Variants in PACRG observed in about 807,000 individuals in gnomAD.
PACRG encodes the protein parkin coregulated, also known as parkin coregulated gene protein.
In PACRG, 29 loss-of-function variants were observed where a neutral mutation model predicts 29.7. The observed-to-expected ratio is 0.98, with a 90% CI of 0.73 to 1.33. The LOEUF (loss-of-function observed/expected upper bound fraction) is 1.33. PACRG is among the 40% of genes most tolerant of loss of function. The pLI is 0.00. For synonymous variants in PACRG, 116 were observed against 118.7 expected, an observed-to-expected ratio of 0.98 and a Z score of 0.15; for missense variants, 279 against 316.2, an observed-to-expected ratio of 0.88 and a Z score of 0.89.
chr6:162,882,769 C>T (rs1028482884), intron 2 of PACRG, among the ~76,000 whole-genome samples: 1 of 152,314 alleles, frequency 6.6e-6, no homozygotes, highest in Non-Finnish European at 1.5e-5. Context: ...GGATTTCAAA[C>T]TAACCCGACT....
chr6:162,778,258 C>G (rs1182924549), intron 1 of PACRG, among the ~76,000 whole-genome samples: 1 of 152,046 alleles, frequency 6.6e-6, no homozygotes, highest in Non-Finnish European at 1.5e-5. Flanking sequence ...TCTGCCCCAT[C>G]AAAAGAGTAT....
chr6:163,135,400 G>C (rs898657141), intron 4 of PACRG, among the ~76,000 whole-genome samples: 1 of 152,100 alleles, frequency 6.6e-6, no homozygotes, highest in Non-Finnish European at 1.5e-5. Context: ...TATTGGCCAG[G>C]CTGATCTTGA....
intron 4 of PACRG, among the ~76,000 whole-genome samples, chr6:163,150,723 C>T (rs905835081): frequency 2.6e-5 from 4 of 152,252 alleles, no homozygotes; most frequent in African/African-American, 9.6e-5. Context: ...TTGGCGGTTA[C>T]CCCGCTTGGT....
intron 2 of PACRG, among the ~76,000 whole-genome samples, chr6:163,041,129 A>T (rs1808660047): frequency 6.6e-6 from 1 of 152,030 alleles, no homozygotes; most frequent in Non-Finnish European, 1.5e-5. Flanking sequence ...CGAGGTCAGG[A>T]GATTGAGACC....
chr6:162,760,425 T>C (rs1782257424), intron 1 of PACRG, among the ~76,000 whole-genome samples: 1 of 152,158 alleles, frequency 6.6e-6, no homozygotes, highest in African/African-American at 2.4e-5. Flanking sequence ...AGTGAGTGTC[T>C]AATGTTTAAG....
At chr6:163,251,168 CG>C (rs1486939860) in intron 4 of PACRG, among the ~76,000 whole-genome samples, 1 of 151,680 alleles carries the variant, frequency 6.6e-6, no homozygotes, top group Non-Finnish European at 1.5e-5. Context: ...GTATACTGCT[CG>C]GGTGATGTGT....
chr6:162,909,893 A>T (rs559678122), intron 2 of PACRG, among the ~76,000 whole-genome samples: 253 of 152,338 alleles, frequency 1.7e-3, no homozygotes, highest in African/African-American at 5.7e-3. Context: ...AAATTAGTAG[A>T]TTTGAATCGG....
intron 4 of PACRG, among the ~76,000 whole-genome samples, chr6:163,240,805 C>T (rs1451598110): frequency 6.6e-6 from 1 of 152,210 alleles, no homozygotes; most frequent in African/African-American, 2.4e-5. Context: ...CGCAGCTCTG[C>T]CCATGTTTGC....
At chr6:162,859,298 A>T (rs1791660587) in intron 2 of PACRG, among the ~76,000 whole-genome samples, 1 of 152,216 alleles carries the variant, frequency 6.6e-6, no homozygotes, top group Admixed American at 6.5e-5. Context: ...AAATGCATCA[A>T]TCTTCAATTT....
chr6:163,299,567 T>C (rs1784908918), intron 4 of PACRG, among the ~76,000 whole-genome samples: 1 of 152,152 alleles, frequency 6.6e-6, no homozygotes, highest in South Asian at 2.1e-4. Context: ...AGCTGCTCCT[T>C]TGAGCCAAAG....
intron 4 of PACRG, among the ~76,000 whole-genome samples, chr6:163,189,226 G>T (rs921153894): frequency 6.6e-6 from 1 of 152,206 alleles, no homozygotes; most frequent in Non-Finnish European, 1.5e-5. Flanking sequence ...GAAAAGTCAG[G>T]CATGAGATGG....
intron 2 of PACRG, among the ~76,000 whole-genome samples, chr6:162,824,871 C>T (rs1387762075): frequency 2.0e-5 from 3 of 152,154 alleles, no homozygotes; most frequent in Admixed American, 6.5e-5. Flanking sequence ...AGATTGCTTC[C>T]GCTTGCATAG....
At chr6:162,933,269 T>C (rs1176586777) in intron 2 of PACRG, among the ~76,000 whole-genome samples, 1 of 152,160 alleles carries the variant, frequency 6.6e-6, no homozygotes, top group Non-Finnish European at 1.5e-5. Flanking sequence ...TGGCCTAATA[T>C]ATGGTTTATC....
chr6:163,044,232 G>C (rs1345970532), intron 2 of PACRG, among the ~76,000 whole-genome samples: 1 of 149,674 alleles, frequency 6.7e-6, no homozygotes, highest in Non-Finnish European at 1.5e-5. Flanking sequence ...GCAGTGGCAC[G>C]ATCACGGTTC....
intron 1 of PACRG, among the ~76,000 whole-genome samples, chr6:162,755,700 G>T (rs1479612443): frequency 1.3e-5 from 2 of 152,156 alleles, no homozygotes; most frequent in Non-Finnish European, 1.5e-5. Context: ...GCCTCCCAAA[G>T]TTCTGGGATT....
upstream of PACRG, chr6:162,727,686 C>T (rs763058481): frequency 1.9e-6 from 3 of 1,572,020 alleles, no homozygotes; most frequent in Non-Finnish European, 1.7e-6. Context: ...GGGTAGGTGG[C>T]GGCTGCGGGC....
intron 2 of PACRG, among the ~76,000 whole-genome samples, chr6:162,869,648 G>A (rs1403171320): frequency 6.6e-6 from 1 of 152,110 alleles, no homozygotes; most frequent in African/African-American, 2.4e-5. Flanking sequence ...TTTGTAAGAC[G>A]TTACAGATTT....
intron 4 of PACRG, among the ~76,000 whole-genome samples, chr6:163,094,398 C>T (rs1303650713): frequency 6.6e-6 from 1 of 152,122 alleles, no homozygotes; most frequent in Non-Finnish European, 1.5e-5. Context: ...AGAACTACTG[C>T]CCCCCACATT....
chr6:163,229,414 T>C (rs565400647), intron 4 of PACRG, among the ~76,000 whole-genome samples: 1 of 152,320 alleles, frequency 6.6e-6, no homozygotes, highest in South Asian at 2.1e-4. Flanking sequence ...TTGTGATCCC[T>C]TTCAAAGCAC....
Sources: allele counts gnomAD v4.1 joint callset (sites outside exome capture counted in the v4.1 genomes callset), GRCh38; gene constraint gnomAD v4.1.1; transcripts MANE v1.5; gene names NCBI Gene and HGNC (gene_info 2026-07-23, HGNC 2026-07-21).